WWP1: variants seen among roughly 807,000 people sequenced by gnomAD.
WWP1 encodes the protein NEDD4-like E3 ubiquitin-protein ligase WWP1.
Under a neutral mutation model 130.6 loss-of-function variants are expected in WWP1, and 49 were observed. The ratio of observed to expected loss-of-function variants is 0.38; its 90% CI spans 0.30 to 0.48. The LOEUF (loss-of-function observed/expected upper bound fraction) is 0.48, where lower values mean the gene tolerates loss of function less well. Among genes scored for constraint, WWP1 ranks in the 20% least tolerant of loss-of-function variants. The pLI, the probability that WWP1 is intolerant of heterozygous loss-of-function variation, is 0.99. For missense variants in WWP1, 809 were observed against 1,100.6 expected, an observed-to-expected ratio of 0.74 and a Z score of 3.75; for synonymous variants, 332 against 367.8, an observed-to-expected ratio of 0.90 and a Z score of 1.11.
At chr8:86,355,923 A>G (rs1051698636) in intron 1 of WWP1, among the ~76,000 whole-genome samples, 6 of 152,222 alleles carry the variant, frequency 3.9e-5, no homozygotes, top group African/African-American at 1.4e-4. Context: ...TGAAAAGAGC[A>G]TTAGCTTTGA....
chr8:86,343,651 G>A (rs1056959606), intron 1 of WWP1, among the ~76,000 whole-genome samples: 3 of 152,120 alleles, frequency 2.0e-5, no homozygotes, highest in South Asian at 4.1e-4. Context: ...CCGATTTGGA[G>A]TTTTCTCTGC....
intron 14 of WWP1, among the ~76,000 whole-genome samples, chr8:86,433,862 G>A (rs1032553833): frequency 6.6e-6 from 1 of 151,884 alleles, no homozygotes; most frequent in Non-Finnish European, 1.5e-5. Flanking sequence ...AGGTTGCAGT[G>A]AGCCGAGATT....
At chr8:86,357,663 A>C (rs1362910577) in intron 1 of WWP1, among the ~76,000 whole-genome samples, 2 of 152,252 alleles carry the variant, frequency 1.3e-5, no homozygotes, top group African/African-American at 4.8e-5. Context: ...TTTTGATGAC[A>C]AAAGTTTAAT....
At chr8:86,423,797 G>A (rs1227326947) in intron 9 of WWP1, among the ~76,000 whole-genome samples, 21 of 132,578 alleles carry the variant, frequency 1.6e-4, no homozygotes, top group African/African-American at 5.9e-4. Flanking sequence ...CAGAAGGGGC[G>A]GCCGGGCAGA....
intron 18 of WWP1, among the ~76,000 whole-genome samples, chr8:86,445,696 A>G (rs1304771895): frequency 2.6e-5 from 4 of 152,114 alleles, no homozygotes; most frequent in Non-Finnish European, 5.9e-5. Context: ...GCTGATTCTC[A>G]TGGTGGTTCA....
intron 21 of WWP1, among the ~76,000 whole-genome samples, chr8:86,456,068 AT>A (rs974874737): frequency 6.6e-6 from 1 of 151,990 alleles, no homozygotes; most frequent in Non-Finnish European, 1.5e-5. Flanking sequence ...ATGGAAGAAA[AT>A]TAACTATAAG....
At chr8:86,358,112 T>C (rs183111629) in intron 1 of WWP1, among the ~76,000 whole-genome samples, 52 of 152,344 alleles carry the variant, frequency 3.4e-4, no homozygotes, top group African/African-American at 1.2e-3. Context: ...TTCTCTCTTA[T>C]ATTCTTTTGT....
chr8:86,404,263 C>A (rs1039318342), intron 8 of WWP1, among the ~76,000 whole-genome samples: 1 of 152,118 alleles, frequency 6.6e-6, no homozygotes, highest in Admixed American at 6.5e-5. Flanking sequence ...AAGGGATATT[C>A]AACTTGAATA....
chr8:86,451,803 A>T (rs1034564395), intron 20 of WWP1, among the ~76,000 whole-genome samples: 4 of 152,104 alleles, frequency 2.6e-5, no homozygotes, highest in Admixed American at 1.3e-4. Context: ...TTTCAGATCC[A>T]TCTCCTTTTG....
intron 8 of WWP1, among the ~76,000 whole-genome samples, chr8:86,409,588 A>C (rs1163715958): frequency 2.0e-5 from 3 of 150,802 alleles, no homozygotes; most frequent in Non-Finnish European, 1.5e-5. Context: ...GGCTGGGCAC[A>C]GTGGCTCATG....
chr8:86,364,870 GAGAA>G (rs1403219008), intron 1 of WWP1, among the ~76,000 whole-genome samples: 47 of 151,004 alleles, frequency 3.1e-4, no homozygotes, highest in Admixed American at 1.1e-3. Context: ...AGAAGAAAGA[GAGAA>G]AGAAAGAAAG....
chr8:86,461,133 C>A, intron 22 of WWP1, 91 bp from the exon 23 acceptor site: 1 of 1,174,720 alleles, frequency 8.5e-7, no homozygotes, highest in Non-Finnish European at 1.2e-6. Flanking sequence ...TGAACCAATT[C>A]AGTGTTATTT....
At chr8:86,449,746 A>G (rs1378783475) in intron 20 of WWP1, among the ~76,000 whole-genome samples, 2 of 152,200 alleles carry the variant, frequency 1.3e-5, no homozygotes, top group Admixed American at 1.3e-4. Context: ...GCTAGCTGTC[A>G]TCTCTGTCTC....
At chr8:86,393,293 A>G (rs986534700) in intron 5 of WWP1, among the ~76,000 whole-genome samples, 1 of 151,892 alleles carries the variant, frequency 6.6e-6, no homozygotes, top group Non-Finnish European at 1.5e-5. Flanking sequence ...TGCAACCTCC[A>G]TCTCCCGGGT....
chr8:86,423,595 A>C lies in WWP1; in HGVS notation c.1062-1628A>C, dbSNP rs1461739502. 6.6e-5 allele frequency among the ~76,000 whole-genome samples: 10 copies of C among 152,314 alleles called. No homozygotes were observed. In the Middle Eastern group the frequency reaches 0.014, roughly 207 times the overall value. ...GCAGAAGAGTCTTTCTTAGTACAGA[A>C]CAAAATGGAGTCTCCTATGTCTACT... On this transcript the variant is annotated intron_variant, in intron 9 of 24. Coordinates refer to ENST00000517970, the MANE Select transcript of WWP1 (RefSeq NM_007013.4).
At chr8:86,436,677 T>C (rs1479280155) in intron 16 of WWP1, among the ~76,000 whole-genome samples, 1 of 152,246 alleles carries the variant, frequency 6.6e-6, no homozygotes, top group Non-Finnish European at 1.5e-5. Flanking sequence ...ATGAGTCATC[T>C]GCAGAATATT....
intron 16 of WWP1, among the ~76,000 whole-genome samples, chr8:86,437,839 G>A (rs112757352): frequency 0.015 from 2,343 of 151,948 alleles, 26 homozygotes; most frequent in Non-Finnish European, 0.025. Context: ...TCGCTCTGTC[G>A]CCCAGGCTGG....
intron 2 of WWP1, among the ~76,000 whole-genome samples, chr8:86,369,628 T>C (rs149533728): frequency 6.6e-6 from 1 of 152,312 alleles, no homozygotes; most frequent in East Asian, 1.9e-4. Flanking sequence ...CTATGCCTCT[T>C]GCCTTTATTC....
At chr8:86,409,100 T>C (rs1808436267) in intron 8 of WWP1, among the ~76,000 whole-genome samples, 1 of 152,108 alleles carries the variant, frequency 6.6e-6, no homozygotes, top group Non-Finnish European at 1.5e-5. Context: ...TTTTACCATA[T>C]TCTTTCCAAT....
Sources: gnomAD v4.1 joint callset for allele counts (sites outside exome capture counted in the v4.1 genomes callset) on GRCh38, gnomAD v4.1.1 for gene constraint, MANE v1.5 for transcripts, NCBI Gene and HGNC (gene_info 2026-07-23, HGNC 2026-07-21) for gene names.